Variants in EIF4G3 observed in about 807,000 individuals in gnomAD.
EIF4G3 encodes the protein eukaryotic translation initiation factor 4 gamma 3.
Under a neutral mutation model 186.4 loss-of-function variants are expected in EIF4G3, and 34 were observed. The ratio of observed to expected loss-of-function variants is 0.18; its 90% CI spans 0.14 to 0.24. The LOEUF (loss-of-function observed/expected upper bound fraction) is 0.24, where lower values mean the gene tolerates loss of function less well. EIF4G3 is among the 10% of genes least tolerant of loss of function. EIF4G3 has a pLI of 1.00. For synonymous variants in EIF4G3, 673 were observed against 679.5 expected (o/e 0.99, Z 0.15); for missense variants, 1,536 against 1,948.5 (o/e 0.79, Z 3.99).
intron 16 of EIF4G3, among the ~76,000 whole-genome samples, chr1:20,897,530 TCA>T (rs989526578): frequency 6.7e-6 from 1 of 149,076 alleles, no homozygotes; most frequent in African/African-American, 2.5e-5. Context: ...TAAAAAAAAA[TCA>T]CAGTTTTCTT....
intron 20 of EIF4G3, among the ~76,000 whole-genome samples, chr1:20,877,827 A>G (rs1432197309): frequency 6.6e-6 from 1 of 152,160 alleles, no homozygotes; most frequent in Non-Finnish European, 1.5e-5. Context: ...CAGAGTAGAA[A>G]CTATCTTCTC....
intron 12 of EIF4G3, among the ~76,000 whole-genome samples, chr1:20,956,713 C>T (rs1318455244): frequency 6.6e-6 from 1 of 151,864 alleles, no homozygotes; most frequent in South Asian, 2.1e-4. Context: ...CGCTCTGCCA[C>T]TCAGGCTGAA....
intron 4 of EIF4G3, among the ~76,000 whole-genome samples, chr1:21,007,539 A>AAAAAAAAAAAAAAAC (rs2085589876): frequency 8.0e-6 from 1 of 125,412 alleles, no homozygotes; most frequent in Non-Finnish European, 1.7e-5. Flanking sequence ...AAAAAAAAAC[A>AAAAAAAAAAAAAAAC]CACTCAAAAA....
At chr1:21,006,210 C>T (rs1248747872) in intron 4 of EIF4G3, among the ~76,000 whole-genome samples, 1 of 152,200 alleles carries the variant, frequency 6.6e-6, no homozygotes, top group African/African-American at 2.4e-5. Context: ...CTCTTCTCTG[C>T]ATTTAATGAC....
rs766778169 is a variant in EIF4G3 at position 20,969,441 on chromosome 1, T to C, written c.714+33A>G. 2.5e-6 allele frequency: 4 copies of C among 1,611,824 alleles called. No homozygotes were observed. In the Admixed American group the frequency reaches 5.0e-5, roughly 20 times the overall value. On this transcript the variant is annotated intron_variant, in intron 12 of 36. Coordinates refer to ENST00000602326, the MANE Select transcript of EIF4G3 (RefSeq NM_001391906.1). ...AGTTCAGTAGAGGTTAGTGAACAAA[T>C]AGTGCCATCCATTACAGCTCACTCT...
intron 2 of EIF4G3, among the ~76,000 whole-genome samples, chr1:21,113,046 C>A (rs1056211002): frequency 2.0e-5 from 3 of 147,956 alleles, no homozygotes; most frequent in African/African-American, 7.5e-5. Context: ...GTAATCCCAG[C>A]ACTTTGGGAG....
intron 2 of EIF4G3, among the ~76,000 whole-genome samples, chr1:21,166,437 T>G (rs948083751): frequency 1.3e-5 from 2 of 151,318 alleles, no homozygotes; most frequent in African/African-American, 4.9e-5. Flanking sequence ...CTCGAAAAAA[T>G]GAATAAGCTG....
chr1:20,819,954 C>CAG (rs888325470), intron 33 of EIF4G3, among the ~76,000 whole-genome samples: 3 of 151,906 alleles, frequency 2.0e-5, no homozygotes, highest in African/African-American at 7.3e-5. Context: ...GAGAGAGAGA[C>CAG]AGAGAGAGAG....
At chr1:20,987,662 T>C (rs2079892694) in intron 7 of EIF4G3, among the ~76,000 whole-genome samples, 1 of 152,196 alleles carries the variant, frequency 6.6e-6, no homozygotes. Flanking sequence ...TTGTGTGTTC[T>C]AACTGCTCCA....
rs572258210 is a variant in EIF4G3 at position 20,893,630 on chromosome 1, G to C, written c.2140C>G (p.Gln714Glu). ...ISDVVLDKIN[Q>E]PKLPMRTLDP... ...AGAGTTCGCATTGGCAATTTGGGTT[G>C]GTTGATCTGCATGAAAAAGCAAAAG... Residue 714 changes from glutamine to glutamate, a missense_variant, in exon 18 of 37, where the codon CAA becomes GAA. By Grantham distance (29) the Gln-to-Glu change is conservative. Around this residue, in one of 11 missense-constraint regions of EIF4G3, gnomAD observed 139 missense variants for 192.8 expected, o/e 0.72. Transcript: ENST00000602326. 1.3e-6 allele frequency: 2 copies of C among 1,559,090 alleles called. No individual in the cohort carries two copies. The highest frequency in any genetic ancestry group is 2.3e-5 in the East Asian group (1 of 43,364).
At chr1:20,821,154 C>T (rs1017060030) in intron 33 of EIF4G3, among the ~76,000 whole-genome samples, 1 of 152,192 alleles carries the variant, frequency 6.6e-6, no homozygotes, top group Admixed American at 6.5e-5. Flanking sequence ...TTTTGATAGT[C>T]ACAGCCCTAA....
chr1:21,133,772 G>A (rs1426636109), intron 2 of EIF4G3, among the ~76,000 whole-genome samples: 1 of 152,142 alleles, frequency 6.6e-6, no homozygotes, highest in Admixed American at 6.6e-5. Context: ...AAATATATCT[G>A]ATACACTAAG....
intron 3 of EIF4G3, among the ~76,000 whole-genome samples, chr1:21,070,975 T>C (rs1046054371): frequency 2.0e-5 from 3 of 152,240 alleles, no homozygotes; most frequent in Non-Finnish European, 4.4e-5. Flanking sequence ...CACCCCCTCA[T>C]ACCCTGCATA....
intron 19 of EIF4G3, among the ~76,000 whole-genome samples, chr1:20,885,482 T>C (rs1558075275): frequency 6.6e-6 from 1 of 152,140 alleles, no homozygotes; most frequent in Non-Finnish European, 1.5e-5. Context: ...AGAGAAAAGA[T>C]ATATAAGGAA....
intron 35 of EIF4G3, among the ~76,000 whole-genome samples, chr1:20,812,610 T>C (rs1033780492): frequency 1.3e-5 from 2 of 152,138 alleles, no homozygotes; most frequent in Non-Finnish European, 2.9e-5. Context: ...ATGTTAAACA[T>C]TGTATACAGC....
chr1:21,175,851 C>G lies in EIF4G3; in HGVS notation c.-272+324G>C, dbSNP rs139092576. On this transcript the variant is annotated intron_variant, in intron 2 of 36. Transcript: ENST00000602326. ...TCCCTGCAGGGTTGGTCCCAGGCAC[C>G]AAGCAAATTCTGCCCAATAAAGGGG... is the stretch of plus-strand genomic sequence containing the variant. The G allele has an allele frequency of 9.3e-3, 1,491 of 159,956 alleles. 13 individuals carry two copies. Among genetic ancestry groups the G allele is most frequent in the South Asian group, 0.026 (127 of 4,936 alleles). The allele number at this position is 159,956 out of a possible 1,614,324, so 9.9% of individuals were successfully genotyped here. A position where few individuals can be genotyped will look rare whatever the true frequency, so the allele number is the denominator to read the frequency against.
intron 2 of EIF4G3, among the ~76,000 whole-genome samples, chr1:21,158,796 G>C (rs2097707226): frequency 1.3e-5 from 2 of 151,964 alleles, no homozygotes; most frequent in Admixed American, 1.3e-4. Context: ...GTTCCACAAA[G>C]ATAACTAGAG....
rs1434056779 is a variant in EIF4G3 at position 20,873,738 on chromosome 1, C to A, written c.2622+5585G>T. Among the ~76,000 whole-genome samples, 5 of 143,368 alleles carry A rather than the reference C, an allele frequency of 3.5e-5. No homozygotes were observed. The South Asian group carries it at 6.8e-4, about 19-fold the overall frequency. The allele number at this position is 143,368 out of a possible 152,430, so 94.1% of individuals were successfully genotyped here. ...TTTTTTCCTTAAAAAAAAAAAAAAA[C>A]CACGAGATACAGGTGCAGGATGTGC... is the stretch of plus-strand genomic sequence containing the variant. On this transcript the variant is annotated intron_variant, in intron 20 of 36. Transcript: ENST00000602326.
chr1:20,828,749 T>A (rs1432962789), intron 31 of EIF4G3, among the ~76,000 whole-genome samples: 2 of 152,224 alleles, frequency 1.3e-5, no homozygotes, highest in East Asian at 3.8e-4. Context: ...ATCATCCTTT[T>A]ATTATAATCA....
Sources: allele counts gnomAD v4.1 joint callset (sites outside exome capture counted in the v4.1 genomes callset), GRCh38; gene constraint gnomAD v4.1.1; regional missense constraint gnomAD v4.1.1; transcripts MANE v1.5; gene names NCBI Gene and HGNC (gene_info 2026-07-23, HGNC 2026-07-21).